Variants in SAMD12 observed in about 807,000 individuals in gnomAD.
SAMD12 encodes sterile alpha motif domain-containing protein 12.
Under a neutral mutation model 15.0 loss-of-function variants are expected in SAMD12, and 9 were observed. The ratio of observed to expected loss-of-function variants is 0.60; its 90% CI spans 0.36 to 1.05. SAMD12 has a LOEUF of 1.05. Among genes scored for constraint, SAMD12 ranks in the 50% least tolerant of loss-of-function variants. SAMD12 has a pLI of 0.01. For synonymous variants in SAMD12, 86 were observed against 90.1 expected (o/e 0.96, Z 0.25); for missense variants, 230 against 234.2 (o/e 0.98, Z 0.12).
chr8:118,473,827 C>A (rs893564181), intron 2 of SAMD12, among the ~76,000 whole-genome samples: 6 of 152,198 alleles, frequency 3.9e-5, no homozygotes, highest in African/African-American at 1.4e-4. Context: ...TTTCCCATCA[C>A]CCCACACTAA....
chr8:118,394,467 T>C (rs1395082613), intron 3 of SAMD12, among the ~76,000 whole-genome samples: 2 of 152,232 alleles, frequency 1.3e-5, no homozygotes, highest in Admixed American at 1.3e-4. Context: ...TTTTCATTTA[T>C]GTATTGCCAA....
the SAMD12 span, among the ~76,000 whole-genome samples, chr8:118,131,888 G>A: frequency 1.3e-5 from 2 of 152,080 alleles, no homozygotes; most frequent in South Asian, 2.1e-4. Context: ...AAATAATTCC[G>A]GTTCTGAAAA....
chr8:118,345,608 G>A (rs1462278298), intron 4 of SAMD12, among the ~76,000 whole-genome samples: 1 of 152,236 alleles, frequency 6.6e-6, no homozygotes, highest in Non-Finnish European at 1.5e-5. Context: ...TAAGCGTGGG[G>A]TGTAGACAGT....
intron 4 of SAMD12, among the ~76,000 whole-genome samples, chr8:118,337,023 A>AG (rs1298954472): frequency 2.0e-5 from 3 of 152,156 alleles, no homozygotes; most frequent in Non-Finnish European, 2.9e-5. Context: ...GAATGGGAGA[A>AG]GGGGGGAGGG....
chr8:118,441,455 G>GTTT (rs5894431), intron 2 of SAMD12, among the ~76,000 whole-genome samples: 1 of 149,248 alleles, frequency 6.7e-6, no homozygotes, highest in Non-Finnish European at 1.5e-5. Context: ...ATGCTCAGGT[G>GTTT]TTTTTTTTTT....
chr8:118,372,643 A>G (rs1819164198), intron 4 of SAMD12, among the ~76,000 whole-genome samples: 1 of 152,106 alleles, frequency 6.6e-6, no homozygotes, highest in Admixed American at 6.6e-5. Context: ...CCTATGTGTG[A>G]GTGCTTATGG....
chr8:118,308,778 T>G lies in SAMD12; in HGVS notation c.433+70782A>C, dbSNP rs529819143. On this transcript the variant is annotated intron_variant, in intron 4 of 4. Coordinates refer to the SAMD12 transcript ENST00000409003. ...CCCCTCTACTGCACAGATGGCAAGT[T>G]CTAATAGCTGCTTAACACGCCTCCA... Among the ~76,000 whole-genome samples the G allele has an allele frequency of 1.6e-4, 24 of 152,160 alleles. No individual in the cohort carries two copies. The Middle Eastern group carries it at 0.01, about 65-fold the overall frequency.
intron 2 of SAMD12, among the ~76,000 whole-genome samples, chr8:118,569,745 T>G (rs893125289): frequency 6.6e-6 from 1 of 152,212 alleles, no homozygotes; most frequent in African/African-American, 2.4e-5. Flanking sequence ...TCATTGGAAC[T>G]GACTCAGCTG....
chr8:118,271,515 G>C (rs1003916961), intron 4 of SAMD12, among the ~76,000 whole-genome samples: 1 of 152,024 alleles, frequency 6.6e-6, no homozygotes, highest in East Asian at 1.9e-4. Flanking sequence ...ATCCTTTCAA[G>C]AGTCCCCCAA....
At chr8:118,504,182 A>G (rs1217682417) in intron 2 of SAMD12, among the ~76,000 whole-genome samples, 1 of 152,062 alleles carries the variant, frequency 6.6e-6, no homozygotes, top group East Asian at 1.9e-4. Context: ...AAAGGCCAAC[A>G]CCTACAAACC....
chr8:118,423,339 G>A lies in SAMD12; in HGVS notation c.322+16493C>T, dbSNP rs142908405. On this transcript the variant is annotated intron_variant, in intron 3 of 3. Transcript: ENST00000314727. ...GACTCAGGCGGGTAACACACAAGGG[G>A]GTGAAGTGGCAGGGTCTGAGGCCCT... is the stretch of plus-strand genomic sequence containing the variant. 6.2e-3 allele frequency among the ~76,000 whole-genome samples: 943 copies of A among 152,258 alleles called. 32 individuals carry two copies. Among genetic ancestry groups the A allele is most frequent in the Admixed American group, 0.057 (874 of 15,288 alleles).
chr8:118,491,699 G>C (rs922865459), intron 2 of SAMD12, among the ~76,000 whole-genome samples: 2 of 152,088 alleles, frequency 1.3e-5, no homozygotes, highest in African/African-American at 4.8e-5. Context: ...GAATCATGCA[G>C]TAAACATGTG....
chr8:118,155,082 A>T, the SAMD12 span, among the ~76,000 whole-genome samples: 1 of 152,194 alleles, frequency 6.6e-6, no homozygotes, highest in Admixed American at 6.5e-5. Context: ...CTTCATTATT[A>T]AACTTTAATT....
intron 1 of SAMD12, among the ~76,000 whole-genome samples, chr8:118,605,832 A>G (rs1827973394): frequency 1.2e-5 from 1 of 81,818 alleles, no homozygotes; most frequent in African/African-American, 4.9e-5. Flanking sequence ...ATATATATAT[A>G]CTGACCATCA....
chr8:118,257,852 A>G (rs1812987877), intron 4 of SAMD12, among the ~76,000 whole-genome samples: 1 of 152,136 alleles, frequency 6.6e-6, no homozygotes, highest in Non-Finnish European at 1.5e-5. Context: ...ATGTTCAGTC[A>G]TATTAGACAC....
chr8:118,549,369 T>C (rs1826247034), intron 2 of SAMD12, among the ~76,000 whole-genome samples: 1 of 152,228 alleles, frequency 6.6e-6, no homozygotes, highest in South Asian at 2.1e-4. Flanking sequence ...CATTCGTGGT[T>C]CACGAAAAAC....
intron 1 of SAMD12, among the ~76,000 whole-genome samples, chr8:118,620,430 C>G (rs1290237366): frequency 7.5e-6 from 1 of 133,626 alleles, no homozygotes; most frequent in Non-Finnish European, 1.6e-5. Context: ...AAAAAAGATT[C>G]TCACCCTACT....
the SAMD12 span, among the ~76,000 whole-genome samples, chr8:118,164,131 G>A: frequency 6.6e-6 from 1 of 152,148 alleles, no homozygotes; most frequent in African/African-American, 2.4e-5. Context: ...AGCAGCAGGA[G>A]GAAGGGGAAG....
intron 2 of SAMD12, among the ~76,000 whole-genome samples, chr8:118,520,068 A>G (rs1471624493): frequency 1.3e-5 from 2 of 152,240 alleles, no homozygotes; most frequent in Non-Finnish European, 2.9e-5. Flanking sequence ...CAGTGAAGGC[A>G]TCACAGAGCT....
Sources: allele counts gnomAD v4.1 joint callset (sites outside exome capture counted in the v4.1 genomes callset), GRCh38; gene constraint gnomAD v4.1.1; transcripts MANE v1.5; gene names NCBI Gene and HGNC (gene_info 2026-07-23, HGNC 2026-07-21).